Variants in CSMD1 observed in about 807,000 individuals in gnomAD.
CSMD1 encodes CUB and sushi domain-containing protein 1.
CSMD1 carries 213 observed loss-of-function variants against 417.5 expected under a neutral mutation model. That is an observed-to-expected ratio of 0.51 (90% CI 0.46 to 0.57). The LOEUF is 0.57. Among genes scored for constraint, CSMD1 ranks in the 20% least tolerant of loss-of-function variants. The pLI is 0.00. For synonymous variants in CSMD1, 2,862 were observed against 1,736.8 expected (o/e 1.65, Z -16.11); for missense variants, 6,923 against 4,529.7 (o/e 1.53, Z -15.17).
chr8:4,711,042 G>A (rs576062889), intron 1 of CSMD1, among the ~76,000 whole-genome samples: 32 of 150,970 alleles, frequency 2.1e-4, no homozygotes, highest in Non-Finnish European at 3.2e-4. Context: ...AGCAACTAAA[G>A]AAAATAAAAT....
At chr8:4,084,449 T>G (rs1800313305) in intron 3 of CSMD1, among the ~76,000 whole-genome samples, 1 of 152,226 alleles carries the variant, frequency 6.6e-6, no homozygotes, top group Non-Finnish European at 1.5e-5. Context: ...TTTACATGAT[T>G]TTGTTGTAAT....
intron 1 of CSMD1, among the ~76,000 whole-genome samples, chr8:4,785,386 C>A (rs575482932): frequency 2.0e-5 from 3 of 152,080 alleles, no homozygotes; most frequent in African/African-American, 7.2e-5. Flanking sequence ...GGAAGAGGTA[C>A]CTCAGTTCAG....
intron 5 of CSMD1, among the ~76,000 whole-genome samples, chr8:3,985,754 T>G (rs1814274395): frequency 1.3e-5 from 1 of 75,690 alleles, no homozygotes. Context: ...AATGTTAAAG[T>G]GATTTTTTTT....
At chr8:3,714,662 C>T (rs890941687) in intron 6 of CSMD1, among the ~76,000 whole-genome samples, 17 of 151,128 alleles carry the variant, frequency 1.1e-4, no homozygotes, top group African/African-American at 2.4e-4. Flanking sequence ...GCTTGAACCC[C>T]GGAGGCAGAG....
chr8:3,558,354 CTCCAA>C (rs1799270988), intron 10 of CSMD1, among the ~76,000 whole-genome samples: 6 of 126,606 alleles, frequency 4.7e-5, no homozygotes, highest in African/African-American at 1.4e-4. Flanking sequence ...GTGTCCACTC[CTCCAA>C]TGATGAATGG....
At chr8:4,883,072 T>G (rs1205100182) in intron 1 of CSMD1, among the ~76,000 whole-genome samples, 1 of 152,072 alleles carries the variant, frequency 6.6e-6, no homozygotes, top group African/African-American at 2.4e-5. Context: ...TTAAGAGCAC[T>G]AGCAGAGAAA....
At chr8:3,742,949 C>T (rs1246344111) in intron 6 of CSMD1, among the ~76,000 whole-genome samples, 2 of 152,282 alleles carry the variant, frequency 1.3e-5, no homozygotes, top group East Asian at 3.9e-4. Context: ...ATCTTCTTGA[C>T]AGGATACCAC....
At chr8:3,858,384 T>G (rs1360275187) in intron 5 of CSMD1, among the ~76,000 whole-genome samples, 2 of 152,178 alleles carry the variant, frequency 1.3e-5, no homozygotes, top group Admixed American at 6.6e-5. Flanking sequence ...TAACAATGAT[T>G]TAAAATGAAT....
chr8:4,123,830 T>C (rs113111785), intron 3 of CSMD1, among the ~76,000 whole-genome samples: 4 of 152,268 alleles, frequency 2.6e-5, no homozygotes, highest in African/African-American at 9.6e-5. Flanking sequence ...AGTGAGGACC[T>C]ATAGAGAATG....
At chr8:4,418,521 G>GA (rs1402528285) in intron 3 of CSMD1, among the ~76,000 whole-genome samples, 21 of 152,030 alleles carry the variant, frequency 1.4e-4, no homozygotes, top group East Asian at 1.4e-3. Context: ...CAGGAGGGGA[G>GA]AAAAAAATGC....
chr8:4,399,487 C>G (rs185179059), intron 3 of CSMD1, among the ~76,000 whole-genome samples: 1 of 152,134 alleles, frequency 6.6e-6, no homozygotes, highest in Non-Finnish European at 1.5e-5. Context: ...CATGTTCACG[C>G]TTAAGTTCAA....
At chr8:4,001,821 G>C (rs1294243013) in intron 4 of CSMD1, among the ~76,000 whole-genome samples, 1 of 151,910 alleles carries the variant, frequency 6.6e-6, no homozygotes, top group African/African-American at 2.4e-5. Flanking sequence ...GTTGGGAAAG[G>C]AGTAGATGAC....
chr8:4,235,360 G>GTTTTTTTTTTTTTTTTTT (rs150464000), intron 3 of CSMD1, among the ~76,000 whole-genome samples: 1 of 148,632 alleles, frequency 6.7e-6, no homozygotes. Context: ...GACGTGTTTT[G>GTTTTTTTTTTTTTTTTTT]TTTTTTTTTT....
At position 4,046,091 on chromosome 8, in the gene CSMD1, A is replaced by G. The variant is rs78438140; in HGVS notation, c.416-13992T>C. On this transcript the variant is annotated intron_variant, in intron 3 of 69. Transcript: ENST00000635120. ...CCCAATTTATATACACACATTATAT[A>G]ACATATAATAATGTATTCTATAGCT... Among the ~76,000 whole-genome samples, 1,255 of 152,282 alleles carry G rather than the reference A, an allele frequency of 8.2e-3. 21 individuals carry two copies. Among genetic ancestry groups the G allele is most frequent in the African/African-American group, 0.027 (1,128 of 41,560 alleles).
intron 5 of CSMD1, among the ~76,000 whole-genome samples, chr8:3,893,010 A>C (rs1187256949): frequency 6.6e-6 from 1 of 151,960 alleles, no homozygotes; most frequent in Non-Finnish European, 1.5e-5. Context: ...CAGTTTTCAC[A>C]CTGAAAATAA....
At chr8:4,756,396 C>T (rs977460424) in intron 1 of CSMD1, among the ~76,000 whole-genome samples, 1 of 152,084 alleles carries the variant, frequency 6.6e-6, no homozygotes, top group Admixed American at 6.5e-5. Context: ...TCTGACCCGA[C>T]CAAGTTGAAG....
intron 1 of CSMD1, among the ~76,000 whole-genome samples, chr8:4,722,596 G>A (rs1267217119): frequency 6.6e-6 from 1 of 152,058 alleles, no homozygotes; most frequent in Non-Finnish European, 1.5e-5. Flanking sequence ...CTTCTTGGAG[G>A]AGCCCTGAAC....
chr8:4,339,649 A>G (rs1368391089), intron 3 of CSMD1, among the ~76,000 whole-genome samples: 1 of 152,126 alleles, frequency 6.6e-6, no homozygotes, highest in African/African-American at 2.4e-5. Context: ...CATTCATCAG[A>G]TGATTCAATA....
intron 3 of CSMD1, among the ~76,000 whole-genome samples, chr8:4,362,840 C>G (rs1432542786): frequency 6.6e-6 from 1 of 151,942 alleles, no homozygotes; most frequent in Non-Finnish European, 1.5e-5. Context: ...TAGTTGTTCC[C>G]CATTGGTTAT....
Sources: gnomAD v4.1 joint callset for allele counts (sites outside exome capture counted in the v4.1 genomes callset) on GRCh38, gnomAD v4.1.1 for gene constraint, MANE v1.5 for transcripts, NCBI Gene and HGNC (gene_info 2026-07-23, HGNC 2026-07-21) for gene names.